The following MGAM variants were observed in gnomAD, a reference collection of about 807,000 sequenced individuals.
MGAM encodes maltase-glucoamylase.
In MGAM, 253 loss-of-function variants were observed where a neutral mutation model predicts 358.8. The observed-to-expected ratio is 0.71, with a 90% CI of 0.64 to 0.78. The LOEUF is 0.78. MGAM is among the 30% of genes least tolerant of loss of function. The pLI, the probability that MGAM is intolerant of heterozygous loss-of-function variation, is 0.00. For missense variants in MGAM, 3,080 were observed against 3,432.6 expected (o/e 0.90, Z 2.57); for synonymous variants, 1,105 against 1,227.1 (o/e 0.90, Z 2.08).
chr7:142,099,471 A>C, intron 66 of MGAM, 142 bp from the exon 67 acceptor site: 1 of 1,324,954 alleles, frequency 7.5e-7, no homozygotes, highest in Non-Finnish European at 1.1e-6. Flanking sequence ...GGGTGAATGC[A>C]GAATGGGTAA....
rs1811149298 is a variant in MGAM at position 142,052,919 on chromosome 7, T to C, written c.3094T>C (p.Ser1032Pro). 2 of 1,613,680 alleles carry C rather than the reference T, an allele frequency of 1.2e-6. No individual in the cohort carries two copies. The highest frequency in any genetic ancestry group is 2.2e-5 in the South Asian group (2 of 91,066). The change falls in exon 26 of 71, where the codon TCC becomes CCC. Residue 1032 changes from serine (S) to proline (P), a missense_variant. Ser to Pro is a moderately conservative substitution (Grantham distance 74, BLOSUM62 -1). Coordinates refer to ENST00000475668, the MANE Select transcript of MGAM (RefSeq NM_001365693.1). ...TTCCGTTTATGCCAATGCCTTCCCCTCCACACCCGTGAACCCCCTTCGCCT... is the reference window on the plus strand; with the variant it reads ...TTCCGTTTATGCCAATGCCTTCCCCCCCACACCCGTGAACCCCCTTCGCCT... ...KSSVYANAFP[S>P]TPVNPLRLDV... is the part of the protein sequence containing the mutation.
intron 47 of MGAM, among the ~76,000 whole-genome samples, chr7:142,077,364 T>C (rs1813832619): frequency 6.9e-6 from 1 of 145,002 alleles, no homozygotes; most frequent in African/African-American, 2.4e-5. Context: ...TGGGGACTAG[T>C]AGAACAGGGA....
At chr7:142,067,984 A>ATTT (rs1229871526) in intron 42 of MGAM, among the ~76,000 whole-genome samples, 6 of 5,818 alleles carry the variant, frequency 1.0e-3, no homozygotes, top group African/African-American at 1.5e-3. Context: ...ATATATATAT[A>ATTT]TATTTTTTTT....
chr7:142,025,174 C>A (rs782449620), intron 8 of MGAM, 25 bp downstream of exon 8: 1 of 1,526,212 alleles, frequency 6.6e-7, no homozygotes, highest in Non-Finnish European at 9.1e-7. Flanking sequence ...ATGGAAAAAA[C>A]AAGCACAAGA....
At position 142,093,267 on chromosome 7, in the gene MGAM, G is replaced by A. The variant is rs1219971652; in HGVS notation, c.7034-145G>A. 1.6e-5 allele frequency: 18 copies of A among 1,092,908 alleles called. No homozygotes were observed. In the East Asian group the frequency reaches 3.2e-4, roughly 19 times the overall value. The allele number at this position is 1,092,908 out of a possible 1,614,324, so 67.7% of individuals were successfully genotyped here. ...GCCGTTGCAGCTCAGAGCTGGGGGC[G>A]CTGTGCTCATGTCTCTGGGAAGACG... is the stretch of plus-strand genomic sequence containing the variant. On this transcript the variant is annotated intron_variant, in intron 59 of 70. Transcript: ENST00000475668.
rs188173640 is a variant in MGAM, at chr7:141,997,866, C to A, written c.-3+1936C>A. Among the ~76,000 whole-genome samples the A allele has an allele frequency of 1.8e-3, 274 of 152,266 alleles. 4 individuals are homozygous for A. In the East Asian group the frequency reaches 0.037, roughly 21 times the overall value. On this transcript the variant is annotated intron_variant, in intron 1 of 70. Coordinates refer to ENST00000475668, the MANE Select transcript of MGAM (RefSeq NM_001365693.1). ...GGATGGCCCAACCTACTAATATCGC[C>A]CAGCATTTTTGATGAATAGCTATGG... is the stretch of plus-strand genomic sequence containing the variant.
intron 57 of MGAM, among the ~76,000 whole-genome samples, chr7:142,090,556 G>A (rs115801998): frequency 0.014 from 2,064 of 145,900 alleles, 116 homozygotes; most frequent in African/African-American, 0.045. Context: ...ATGTAGGCTG[G>A]TCTGTTTCTG....
chr7:141,988,789 A>C (rs1803818067), intron 2 of MGAM, among the ~76,000 whole-genome samples: 2 of 152,220 alleles, frequency 1.3e-5, no homozygotes, highest in African/African-American at 4.8e-5. Flanking sequence ...AAGACGGTGT[A>C]AAGCTGCTAA....
chr7:142,079,791 A>C (rs962045296), intron 49 of MGAM, among the ~76,000 whole-genome samples: 1 of 146,192 alleles, frequency 6.8e-6, no homozygotes, highest in African/African-American at 2.4e-5. Context: ...CATTGCCTGA[A>C]AATTTCTTTA....
chr7:141,987,299 G>A (rs1252220099), intron 2 of MGAM, among the ~76,000 whole-genome samples: 1 of 152,128 alleles, frequency 6.6e-6, no homozygotes, highest in Non-Finnish European at 1.5e-5. Flanking sequence ...GGGTTTGAAT[G>A]TTTTCTTTCT....
intron 21 of MGAM, among the ~76,000 whole-genome samples, chr7:142,041,917 G>A (rs149172937): frequency 0.1 from 1,380 of 13,440 alleles, 79 homozygotes; most frequent in African/African-American, 0.22. Context: ...ATATATATAC[G>A]TATAATATAT....
intron 33 of MGAM, 41 bp from the exon 34 acceptor site, chr7:142,060,270 A>C: frequency 6.2e-7 from 1 of 1,603,358 alleles, no homozygotes; most frequent in Non-Finnish European, 8.5e-7. Context: ...TGTAAGGGAA[A>C]TTGTCTAGTG....
At chr7:142,021,857 A>G in intron 6 of MGAM, 120 bp downstream of exon 6, 1 of 1,018,754 alleles carries the variant, frequency 9.8e-7, no homozygotes, top group Admixed American at 2.2e-5. Context: ...ATTGGTGACC[A>G]GAACCTTTAC....
At chr7:142,099,157 CAG>C (rs1308648148) in intron 66 of MGAM, among the ~76,000 whole-genome samples, 3 of 152,188 alleles carry the variant, frequency 2.0e-5, no homozygotes, top group Non-Finnish European at 4.4e-5. Flanking sequence ...GTTGTCACAA[CAG>C]AGTGGGGGTG....
intron 13 of MGAM, among the ~76,000 whole-genome samples, chr7:142,032,339 C>T (rs1807579925): frequency 6.6e-6 from 1 of 151,906 alleles, no homozygotes; most frequent in South Asian, 2.1e-4. Flanking sequence ...AAAATTCAAA[C>T]AATACAGAGA....
chr7:142,008,704 A>G lies in MGAM; in HGVS notation c.326A>G (p.Lys109Arg). 1 of 1,607,904 alleles carries G rather than the reference A, an allele frequency of 6.2e-7. No homozygotes were observed. Among genetic ancestry groups the G allele is most frequent in the South Asian group, 1.1e-5 (1 of 89,904 alleles). ...INCIPDQPPT[K>R]ATCDQRGCCW... ...TGCATCCCTGACCAGCCGCCAACAA[A>G]GGTTTGAGTTATGAATTTTGTTTCC... Residue 109 changes from lysine to arginine, a missense_variant and splice_region_variant, in exon 3 of 71, where the codon AAG becomes AGG. Coordinates refer to ENST00000475668, the MANE Select transcript of MGAM (RefSeq NM_001365693.1).
At chr7:141,988,515 C>T (rs904119716) in intron 2 of MGAM, among the ~76,000 whole-genome samples, 1 of 152,010 alleles carries the variant, frequency 6.6e-6, no homozygotes, top group Non-Finnish European at 1.5e-5. Flanking sequence ...CAGGCGCCCG[C>T]CACCATGCCT....
At position 142,019,185 on chromosome 7, in the gene MGAM, A is replaced by T. The variant is rs782145209; in HGVS notation, c.328-14A>T. ...CAACTAAATGGAGCTTCTTTGACTA[A>T]CCTCTTGTTTCAGGCCACATGTGAC... On this transcript the variant is annotated splice_polypyrimidine_tract_variant and intron_variant, in intron 3 of 70. Coordinates refer to ENST00000475668, the MANE Select transcript of MGAM (RefSeq NM_001365693.1). 8.7e-6 allele frequency: 14 copies of T among 1,611,188 alleles called. No individual in the cohort carries two copies. The South Asian group carries it at 9.9e-5, about 11-fold the overall frequency.
upstream of MGAM, among the ~76,000 whole-genome samples, chr7:141,995,582 A>G (rs1056078984): frequency 1.3e-5 from 2 of 152,066 alleles, no homozygotes; most frequent in African/African-American, 2.4e-5. Context: ...GCTCTTTATC[A>G]TCTACAAATT....
Sources: allele counts gnomAD v4.1 joint callset (sites outside exome capture counted in the v4.1 genomes callset), GRCh38; gene constraint gnomAD v4.1.1; transcripts MANE v1.5; gene names NCBI Gene and HGNC (gene_info 2026-07-23, HGNC 2026-07-21).